The following NEXN variants were observed in gnomAD, a reference collection of about 807,000 sequenced individuals.
NEXN encodes the protein nexilin F-actin binding protein.
In NEXN, 65 loss-of-function variants were observed where a neutral mutation model predicts 92.6. The ratio of observed to expected loss-of-function variants is 0.70; its 90% CI spans 0.57 to 0.86. The LOEUF is 0.86. Among genes scored for constraint, NEXN ranks in the 40% least tolerant of loss-of-function variants. NEXN has a pLI of 0.00. For synonymous variants in NEXN, 254 were observed against 242.5 expected (o/e 1.05, Z -0.44); for missense variants, 778 against 771.1 (o/e 1.01, Z -0.11).
At chr1:77,898,463 G>C (rs1377410404) in intron 1 of NEXN, among the ~76,000 whole-genome samples, 1 of 152,196 alleles carries the variant, frequency 6.6e-6, no homozygotes. Flanking sequence ...GCCATATGTA[G>C]AAAGCTGAAA....
intron 1 of NEXN, among the ~76,000 whole-genome samples, chr1:77,914,220 G>A (rs1648791599): frequency 6.6e-6 from 1 of 152,158 alleles, no homozygotes; most frequent in Non-Finnish European, 1.5e-5. Flanking sequence ...AAACCCTAAT[G>A]TAAACTATGG....
Position 77,943,769 on chromosome 1 carries a change from A to G in NEXN, c.*940A>G, listed in dbSNP as rs955235258. 3 of 152,100 alleles carry G rather than the reference A, an allele frequency of 2.0e-5. No individual in the cohort carries two copies. The highest frequency in any genetic ancestry group is 1.3e-4 in the Admixed American group (2 of 15,264). The allele number at this position is 152,100 out of a possible 1,614,324, so 9.4% of individuals were successfully genotyped here. A position where few individuals can be genotyped will look rare whatever the true frequency, so the allele number is the denominator to read the frequency against. Reference sequence around the variant, plus strand: ...GGCACAACCTTCGATTTAAAATTCTAGTCTTTAAAATGAGTTTGTAAATAA... The same window carrying G: ...GGCACAACCTTCGATTTAAAATTCTGGTCTTTAAAATGAGTTTGTAAATAA... On this transcript the variant is annotated 3_prime_UTR_variant, in exon 13 of 13. Transcript: ENST00000334785.
At position 77,927,123 on chromosome 1, in the gene NEXN, A is replaced by G. The variant is rs111357417; in HGVS notation, c.864+231A>G. ...GATCACCTGAGGTCAGGAGTTTGAA[A>G]CCAGCCTGGCCAACACTGTGAAATC... On this transcript the variant is annotated intron_variant, in intron 8 of 12. Transcript: ENST00000334785. 0.024 allele frequency among the ~76,000 whole-genome samples: 3,688 copies of G among 152,084 alleles called. 50 individuals carry two copies. The highest frequency in any genetic ancestry group is 0.065 in the Middle Eastern group (19 of 294).
intron 1 of NEXN, among the ~76,000 whole-genome samples, chr1:77,890,971 A>T (rs568682928): frequency 6.6e-6 from 1 of 152,244 alleles, no homozygotes; most frequent in East Asian, 1.9e-4. Context: ...ACAATTTCAC[A>T]TATTTCTGTT....
At chr1:77,941,168 C>T (rs1651269945) in intron 11 of NEXN, among the ~76,000 whole-genome samples, 1 of 152,154 alleles carries the variant, frequency 6.6e-6, no homozygotes, top group African/African-American at 2.4e-5. Context: ...GCAATTTCCT[C>T]ATAGTACTAT....
chr1:77,920,619 T>TAAA (rs66533373), intron 5 of NEXN, among the ~76,000 whole-genome samples: 6 of 67,284 alleles, frequency 8.9e-5, no homozygotes, highest in Admixed American at 2.0e-4. Context: ...CCCTGTCTCT[T>TAAA]AAAAAAAAAA....
At chr1:77,940,363 G>C (rs1217554012) in intron 11 of NEXN, among the ~76,000 whole-genome samples, 1 of 152,158 alleles carries the variant, frequency 6.6e-6, no homozygotes, top group Non-Finnish European at 1.5e-5. Flanking sequence ...TGTACCTACA[G>C]AATACCATTT....
Position 77,942,679 on chromosome 1 carries a change from A to T in NEXN, c.1878A>T (p.Glu626Asp). Residue 626 changes from glutamate to aspartate, a missense_variant, in exon 13 of 13, where the codon GAA becomes GAT. Glu to Asp is a conservative substitution (Grantham distance 45). Around this residue, in one of 3 missense-constraint regions of NEXN, gnomAD observed 532 missense variants for 476.7 expected, o/e 1.12. Coordinates refer to ENST00000334785, the MANE Select transcript of NEXN (RefSeq NM_144573.4). ...AAGGAGAAATACTGCAGGATGGAGA[A>T]GACTATCAATATATTGAAAGGGGAG... ...WFEGEILQDG[E>D]DYQYIERGET... 1 of 1,613,822 alleles carries T rather than the reference A, an allele frequency of 6.2e-7. No homozygotes were observed. Among genetic ancestry groups the T allele is most frequent in the Non-Finnish European group, 8.5e-7 (1 of 1,179,750 alleles).
intron 6 of NEXN, 66 bp downstream of exon 6, chr1:77,925,295 G>GTTTTTTCT: frequency 8.8e-7 from 1 of 1,136,996 alleles, no homozygotes; most frequent in Non-Finnish European, 1.3e-6. Context: ...TTATCTTTTA[G>GTTTTTTCT]TATAAGAAAA....
chr1:77,931,231 CAAAAAAAAAAAAA>C (rs367898061), intron 9 of NEXN, among the ~76,000 whole-genome samples: 4 of 120,574 alleles, frequency 3.3e-5, no homozygotes, highest in African/African-American at 7.2e-5. Flanking sequence ...ACTAAAAATA[CAAAAAAAAAAAAA>C]AAAAAAAAAA....
chr1:77,898,856 C>A (rs1233856704), intron 1 of NEXN, among the ~76,000 whole-genome samples: 1 of 152,174 alleles, frequency 6.6e-6, no homozygotes, highest in African/African-American at 2.4e-5. Flanking sequence ...AGGTTATGAA[C>A]AGACACTTCT....
chr1:77,933,444 CAAG>C lies in NEXN; in HGVS notation c.1219_1221del (p.Glu407del), dbSNP rs753022972. ...GAAGCATAAGCTAGAAATGGAGAAA[CAAG>C]AATTTGAACAACTGAGACAGGAAAT... On this transcript the variant is annotated inframe_deletion, in exon 10 of 13. Coordinates refer to ENST00000334785, the MANE Select transcript of NEXN (RefSeq NM_144573.4). 1 of 1,612,900 alleles carries C rather than the reference CAAG, an allele frequency of 6.2e-7. No individual in the cohort carries two copies. Among genetic ancestry groups the C allele is most frequent in the Non-Finnish European group, 8.5e-7 (1 of 1,179,362 alleles).
intron 5 of NEXN, among the ~76,000 whole-genome samples, chr1:77,920,217 A>G (rs1181682145): frequency 6.6e-6 from 1 of 152,172 alleles, no homozygotes; most frequent in Non-Finnish European, 1.5e-5. Context: ...TCTTGTAAAT[A>G]TGTAAAGTTT....
chr1:77,939,349 C>G (rs1219944679), intron 11 of NEXN, among the ~76,000 whole-genome samples: 1 of 152,144 alleles, frequency 6.6e-6, no homozygotes. Context: ...CAAGCAGATA[C>G]CAACTTTTAC....
chr1:77,937,426 C>T (rs537097570), intron 11 of NEXN, among the ~76,000 whole-genome samples: 36 of 151,374 alleles, frequency 2.4e-4, no homozygotes, highest in Non-Finnish European at 4.4e-4. Flanking sequence ...CGGTGGCTCA[C>T]GCCTGTAATC....
At chr1:77,911,571 G>A (rs1233498309) in intron 1 of NEXN, among the ~76,000 whole-genome samples, 2 of 151,834 alleles carry the variant, frequency 1.3e-5, no homozygotes, top group East Asian at 1.9e-4. Context: ...CAGCCTGGGC[G>A]ACAAGAGCAA....
intron 1 of NEXN, among the ~76,000 whole-genome samples, chr1:77,892,093 A>G (rs1047267464): frequency 1.8e-4 from 27 of 152,266 alleles, no homozygotes; most frequent in Admixed American, 7.2e-4. Flanking sequence ...AAAAAAAAAA[A>G]AGACACTTTT....
rs1267947085 is a variant in NEXN at position 77,942,481 on chromosome 1, G to A, written c.1680G>A (p.Glu560=). The stretch of plus-strand genomic sequence containing the variant: ...TACAGAAAAGAGAAGAGGAGGAGGA[G>A]GAAGAAGGTAGCATCATGAATGGCT... ...ALQKKREEEE[E]EEGSIMNGST... is the part of the protein sequence containing the mutation. The change falls in exon 13 of 13, where the codon GAG becomes GAA. Residue 560 remains glutamate, a synonymous_variant. Transcript: ENST00000334785. The A allele has an allele frequency of 2.5e-6, 4 of 1,613,536 alleles. No homozygotes were observed. The highest frequency in any genetic ancestry group is 3.4e-6 in the Non-Finnish European group (4 of 1,179,740).
chr1:77,917,340 A>G (rs1206839593), intron 2 of NEXN, among the ~76,000 whole-genome samples: 1 of 152,162 alleles, frequency 6.6e-6, no homozygotes. Flanking sequence ...TTTCATTACT[A>G]TATAACAGTG....
Sources: allele counts gnomAD v4.1 joint callset (sites outside exome capture counted in the v4.1 genomes callset), GRCh38; gene constraint gnomAD v4.1.1; regional missense constraint gnomAD v4.1.1; transcripts MANE v1.5; gene names NCBI Gene and HGNC (gene_info 2026-07-23, HGNC 2026-07-21).